Variants in PIBF1 observed in about 807,000 individuals in gnomAD.
PIBF1 encodes progesterone immunomodulatory binding factor 1, also known as progesterone-induced-blocking factor 1.
In PIBF1, 90 loss-of-function variants were observed where a neutral mutation model predicts 112.5. The observed-to-expected ratio is 0.80, with a 90% CI of 0.67 to 0.95. The LOEUF is 0.95. Ranked by LOEUF, PIBF1 falls within the 40% of genes least tolerant of loss-of-function variation. The pLI, the probability that PIBF1 is intolerant of heterozygous loss-of-function variation, is 0.00. For missense variants in PIBF1, 915 were observed against 852.3 expected (o/e 1.07, Z -0.92); for synonymous variants, 301 against 288.6 (o/e 1.04, Z -0.44).
At chr13:72,848,836 A>T in intron 9 of PIBF1, among the ~76,000 whole-genome samples, 1 of 152,042 alleles carries the variant, frequency 6.6e-6, no homozygotes, top group East Asian at 1.9e-4. Context: ...CGTCTCAAAA[A>T]AAAAAAAAAA....
chr13:72,886,424 A>G (rs2039855948), intron 10 of PIBF1, among the ~76,000 whole-genome samples: 2 of 151,962 alleles, frequency 1.3e-5, no homozygotes, highest in Admixed American at 6.6e-5. Flanking sequence ...CTAGTGTTAT[A>G]AAGTTTTTAT....
chr13:72,860,901 A>G (rs2038665489), intron 10 of PIBF1, among the ~76,000 whole-genome samples: 1 of 152,248 alleles, frequency 6.6e-6, no homozygotes, highest in African/African-American at 2.4e-5. Context: ...TTTCATGAAC[A>G]TGAACAGTTA....
chr13:72,783,828 T>C (rs1688334807), intron 2 of PIBF1, 107 bp downstream of exon 2: 6 of 1,078,686 alleles, frequency 5.6e-6, no homozygotes, highest in Non-Finnish European at 8.1e-6. Flanking sequence ...GATACATTTA[T>C]ATTTCTTGAC....
In PIBF1 at chr13:72,826,993, G is replaced by T. The variant is rs747884778; in HGVS notation, c.807-17G>T. On this transcript the variant is annotated splice_polypyrimidine_tract_variant and intron_variant, in intron 6 of 17. Transcript: ENST00000326291. ...GGATGTAAAATTTACATGTCTCTTTGAATTTTATTTTAACAGTGAACGTGA... is the reference window on the plus strand; with the variant it reads ...GGATGTAAAATTTACATGTCTCTTTTAATTTTATTTTAACAGTGAACGTGA... 48 of 1,494,748 alleles carry T rather than the reference G, an allele frequency of 3.2e-5. No homozygotes were observed. Among genetic ancestry groups the T allele is most frequent in the Non-Finnish European group, 1.1e-5 (12 of 1,091,196 alleles). The allele number at this position is 1,494,748 out of a possible 1,614,324, so 92.6% of individuals were successfully genotyped here.
intron 15 of PIBF1, among the ~76,000 whole-genome samples, chr13:72,972,967 A>G (rs1262402354): frequency 6.6e-6 from 1 of 152,228 alleles, no homozygotes; most frequent in South Asian, 2.1e-4. Flanking sequence ...GTTTGCTGAC[A>G]TAGTACTTCT....
chr13:73,008,809 G>T (rs1018187019), intron 17 of PIBF1, among the ~76,000 whole-genome samples: 2 of 152,114 alleles, frequency 1.3e-5, no homozygotes, highest in African/African-American at 4.8e-5. Context: ...ATCAAAGAAG[G>T]CATGACATCG....
chr13:72,826,039 A>G (rs1566319799), intron 6 of PIBF1, among the ~76,000 whole-genome samples: 1 of 143,408 alleles, frequency 7.0e-6, no homozygotes, highest in Non-Finnish European at 1.6e-5. Context: ...CCCCCATCTC[A>G]TAAAAAAAAA....
intron 16 of PIBF1, among the ~76,000 whole-genome samples, chr13:72,984,952 GTTTC>G (rs1327282652): frequency 6.6e-6 from 1 of 151,736 alleles, no homozygotes; most frequent in Non-Finnish European, 1.5e-5. Flanking sequence ...CAATTTTTAG[GTTTC>G]TTTTTTTAAG....
intron 17 of PIBF1, among the ~76,000 whole-genome samples, chr13:73,003,796 A>G (rs989828441): frequency 2.6e-5 from 4 of 152,134 alleles, no homozygotes; most frequent in East Asian, 1.9e-4. Flanking sequence ...TGCAGCCTCA[A>G]TCTCCCAGGC....
chr13:72,959,732 A>G (rs2042554361), intron 14 of PIBF1, among the ~76,000 whole-genome samples: 1 of 152,200 alleles, frequency 6.6e-6, no homozygotes, highest in Non-Finnish European at 1.5e-5. Flanking sequence ...AAAAGATATA[A>G]TGATGTTTTA....
chr13:72,886,098 A>G (rs1024649236), intron 10 of PIBF1, among the ~76,000 whole-genome samples: 2 of 152,118 alleles, frequency 1.3e-5, no homozygotes, highest in African/African-American at 4.8e-5. Context: ...CTTGAGCTAT[A>G]TATTACTGAA....
chr13:72,905,801 T>G (rs1328606318), intron 11 of PIBF1, among the ~76,000 whole-genome samples: 1 of 152,196 alleles, frequency 6.6e-6, no homozygotes, highest in Non-Finnish European at 1.5e-5. Flanking sequence ...CTAGTAATTA[T>G]TATGCTTTGT....
chr13:72,904,433 CTTTTTT>C (rs71099767), intron 11 of PIBF1, among the ~76,000 whole-genome samples: 131 of 36,556 alleles, frequency 3.6e-3, no homozygotes, highest in African/African-American at 0.012. Flanking sequence ...CAAAATATTT[CTTTTTT>C]TTTTTTTTTT....
intron 14 of PIBF1, among the ~76,000 whole-genome samples, chr13:72,954,987 A>G (rs987248033): frequency 6.6e-6 from 1 of 152,192 alleles, no homozygotes; most frequent in African/African-American, 2.4e-5. Flanking sequence ...TGGATCCTCT[A>G]GGATTGGAGG....
In PIBF1 at chr13:72,877,472, A is replaced by G. The variant is rs555202646; in HGVS notation, c.1323-16312A>G. On this transcript the variant is annotated intron_variant, in intron 10 of 17. Transcript: ENST00000326291. ...AGAGAACTGGTATACTTTCTTCCTT[A>G]AGTAATTGGTAGAATTTACCAGTGA... Among the ~76,000 whole-genome samples, 4 of 152,198 alleles carry G rather than the reference A, an allele frequency of 2.6e-5. No homozygotes were observed. The South Asian group carries it at 6.2e-4, about 24-fold the overall frequency.
chr13:72,840,994 G>A (rs1436427822), intron 9 of PIBF1, among the ~76,000 whole-genome samples: 1 of 152,162 alleles, frequency 6.6e-6, no homozygotes, highest in Non-Finnish European at 1.5e-5. Flanking sequence ...TATCTGACCT[G>A]CAGTCATTCC....
At chr13:72,880,442 T>G (rs2039578588) in intron 10 of PIBF1, among the ~76,000 whole-genome samples, 1 of 152,244 alleles carries the variant, frequency 6.6e-6, no homozygotes, top group Non-Finnish European at 1.5e-5. Context: ...CAAACTTGAA[T>G]GTTTAACACA....
chr13:72,940,209 C>T (rs1056179399), intron 14 of PIBF1, among the ~76,000 whole-genome samples: 2 of 151,940 alleles, frequency 1.3e-5, no homozygotes, highest in African/African-American at 2.4e-5. Context: ...CAGTTTTTTT[C>T]AGTCTTTTTT....
intron 8 of PIBF1, among the ~76,000 whole-genome samples, chr13:72,828,278 T>C (rs9564922): frequency 0.27 from 41,484 of 151,034 alleles, 6,779 homozygotes; most frequent in East Asian, 0.47. Flanking sequence ...TTTTTTTTTT[T>C]TTTTTTTATA....
Sources: allele counts gnomAD v4.1 joint callset (sites outside exome capture counted in the v4.1 genomes callset), GRCh38; gene constraint gnomAD v4.1.1; transcripts MANE v1.5; gene names NCBI Gene and HGNC (gene_info 2026-07-23, HGNC 2026-07-21).